The following GFRA2 variants were observed in gnomAD, a reference collection of about 807,000 sequenced individuals.
GFRA2 encodes GDNF family receptor alpha-2.
In GFRA2, 17 loss-of-function variants were observed where a neutral mutation model predicts 48.3. The ratio of observed to expected loss-of-function variants is 0.35; its 90% CI spans 0.24 to 0.53. The LOEUF (loss-of-function observed/expected upper bound fraction) is 0.53. Ranked by LOEUF, GFRA2 falls within the 20% of genes least tolerant of loss-of-function variation. The pLI is 0.93. For synonymous variants in GFRA2, 305 were observed against 257.2 expected (o/e 1.19, Z -1.78); for missense variants, 660 against 637.3 (o/e 1.04, Z -0.38).
At chr8:21,803,005 T>C (rs910095103) in intron 2 of GFRA2, among the ~76,000 whole-genome samples, 5 of 152,184 alleles carry the variant, frequency 3.3e-5, no homozygotes, top group Admixed American at 2.6e-4. Context: ...AAAAATAGGT[T>C]GTATTAGCTA....
At chr8:21,706,281 T>C (rs1714335104) in intron 4 of GFRA2, 3 of 640,334 alleles carry the variant, frequency 4.7e-6, no homozygotes, top group Non-Finnish European at 8.7e-6. Flanking sequence ...AAAAACCCAG[T>C]CATTGGCTGA....
Position 21,693,150 on chromosome 8 carries a change from A to G in GFRA2, c.*128T>C, listed in dbSNP as rs1055324452. ...AAGAAACCTGGGAGGAGACAGGTTCAGCGACAAGGTGGGAAAAACAATTTT... is the reference window on the plus strand; with the variant it reads ...AAGAAACCTGGGAGGAGACAGGTTCGGCGACAAGGTGGGAAAAACAATTTT... On this transcript the variant is annotated 3_prime_UTR_variant, in exon 9 of 9. Coordinates refer to ENST00000524240, the MANE Select transcript of GFRA2 (RefSeq NM_001495.5). 4 of 827,288 alleles carry G rather than the reference A, an allele frequency of 4.8e-6. No homozygotes were observed. In the Admixed American group the frequency reaches 1.5e-4, roughly 31 times the overall value. The allele number at this position is 827,288 out of a possible 1,614,324, so 51.2% of individuals were successfully genotyped here. A position where few individuals can be genotyped will look rare whatever the true frequency, so the allele number is the denominator to read the frequency against.
chr8:21,801,793 C>T (rs1404073518), intron 2 of GFRA2, among the ~76,000 whole-genome samples: 8 of 152,224 alleles, frequency 5.3e-5, no homozygotes, highest in South Asian at 4.2e-4. Context: ...CTGAGGAAGG[C>T]GGCATCCCTT....
At chr8:21,758,907 A>G (rs1405782531) in intron 3 of GFRA2, among the ~76,000 whole-genome samples, 1 of 151,678 alleles carries the variant, frequency 6.6e-6, no homozygotes, top group Non-Finnish European at 1.5e-5. Flanking sequence ...CACACACACG[A>G]AGACACCCAA....
At chr8:21,782,303 C>T (rs1807032381) in intron 2 of GFRA2, among the ~76,000 whole-genome samples, 1 of 147,112 alleles carries the variant, frequency 6.8e-6, no homozygotes, top group Non-Finnish European at 1.5e-5. Context: ...ACTCACCCCC[C>T]TTCCTCCAGC....
At chr8:21,697,299 T>G (rs559522670) in intron 7 of GFRA2, among the ~76,000 whole-genome samples, 2 of 144,068 alleles carry the variant, frequency 1.4e-5, no homozygotes, top group South Asian at 2.2e-4. Flanking sequence ...AGGGAAGAAA[T>G]AGAGGAAGGA....
intron 2 of GFRA2, among the ~76,000 whole-genome samples, chr8:21,796,000 T>G (rs1056407183): frequency 5.9e-5 from 9 of 152,168 alleles, no homozygotes; most frequent in Non-Finnish European, 1.2e-4. Context: ...ATCCCAGACT[T>G]CTCGAGAAAA....
At chr8:21,725,365 C>G (rs907377026) in intron 4 of GFRA2, among the ~76,000 whole-genome samples, 24 of 152,342 alleles carry the variant, frequency 1.6e-4, no homozygotes, top group African/African-American at 5.5e-4. Context: ...GGGCAAGAGG[C>G]CAGGGCAGAA....
At chr8:21,719,968 T>C (rs548117521) in intron 4 of GFRA2, among the ~76,000 whole-genome samples, 1 of 152,264 alleles carries the variant, frequency 6.6e-6, no homozygotes, top group East Asian at 1.9e-4. Context: ...CCTTCATTCT[T>C]CCCATTCCCA....
At chr8:21,743,557 A>G (rs1456786462) in intron 4 of GFRA2, among the ~76,000 whole-genome samples, 2 of 152,220 alleles carry the variant, frequency 1.3e-5, no homozygotes, top group African/African-American at 4.8e-5. Flanking sequence ...CCGCAAGGAC[A>G]AGCTCTACCT....
intron 1 of GFRA2, among the ~76,000 whole-genome samples, chr8:21,784,051 G>T (rs1807147999): frequency 6.6e-6 from 1 of 151,816 alleles, no homozygotes; most frequent in Non-Finnish European, 1.5e-5. Context: ...CTTGCAAATG[G>T]AACCTTGCTC....
intron 4 of GFRA2, among the ~76,000 whole-genome samples, chr8:21,744,409 A>T (rs1804892890): frequency 6.6e-6 from 1 of 152,172 alleles, no homozygotes. Context: ...GATGGCACGG[A>T]GCCAGCAAGG....
intron 2 of GFRA2, among the ~76,000 whole-genome samples, chr8:21,799,968 G>A (rs975116630): frequency 8.5e-5 from 13 of 152,280 alleles, no homozygotes; most frequent in African/African-American, 2.9e-4. Context: ...TGTACCTCTG[G>A]CCCCCTGGTG....
At chr8:21,758,692 T>C (rs1420292062) in intron 3 of GFRA2, among the ~76,000 whole-genome samples, 2 of 152,116 alleles carry the variant, frequency 1.3e-5, no homozygotes, top group African/African-American at 4.8e-5. Flanking sequence ...TTGAACTGCC[T>C]AATCCCTTAT....
chr8:21,763,023 A>T (rs1805986870), intron 3 of GFRA2, among the ~76,000 whole-genome samples: 1 of 152,156 alleles, frequency 6.6e-6, no homozygotes, highest in African/African-American at 2.4e-5. Flanking sequence ...CATAAGCTAA[A>T]CTTTTGTTTA....
chr8:21,709,964 G>A (rs1320869095), intron 4 of GFRA2, among the ~76,000 whole-genome samples: 3 of 152,210 alleles, frequency 2.0e-5, no homozygotes, highest in Non-Finnish European at 4.4e-5. Flanking sequence ...AGGAGAGCAG[G>A]GCCATAGGGA....
rs893206187 is a variant in GFRA2 at position 21,692,055 on chromosome 8, T to C, written c.*1223A>G. The stretch of plus-strand genomic sequence containing the variant: ...ACGTTTATTGGAGCCTTGGTTAAGC[T>C]TGGATGCGGATCAGGAGCCCCCACC... On this transcript the variant is annotated 3_prime_UTR_variant, in exon 9 of 9. Coordinates refer to ENST00000524240, the MANE Select transcript of GFRA2 (RefSeq NM_001495.5). 1.3e-5 allele frequency: 2 copies of C among 152,592 alleles called. No homozygotes were observed. Among genetic ancestry groups the C allele is most frequent in the African/African-American group, 4.8e-5 (2 of 41,422 alleles). 9.5% of individuals were successfully genotyped at this position (152,592 alleles called of 1,614,324 possible).
At chr8:21,693,549 G>C (rs1801978323) in intron 8 of GFRA2, 149 bp from the exon 9 acceptor site, 1 of 682,326 alleles carries the variant, frequency 1.5e-6, no homozygotes, top group Admixed American at 3.1e-5. Context: ...ACCCTCCTTT[G>C]CACTCTGAAG....
chr8:21,803,929 C>T (rs1482654279), intron 2 of GFRA2, among the ~76,000 whole-genome samples: 1 of 152,182 alleles, frequency 6.6e-6, no homozygotes, highest in Non-Finnish European at 1.5e-5. Flanking sequence ...ATTAAGTGAA[C>T]ACTTACTGTG....
Sources: allele counts gnomAD v4.1 joint callset (sites outside exome capture counted in the v4.1 genomes callset), GRCh38; gene constraint gnomAD v4.1.1; transcripts MANE v1.5; gene names NCBI Gene and HGNC (gene_info 2026-07-23, HGNC 2026-07-21).